Variants in RANGAP1 observed in about 807,000 individuals in gnomAD.
RANGAP1 encodes ran GTPase-activating protein 1.
In RANGAP1, 38 loss-of-function variants were observed where a neutral mutation model predicts 63.5. That is an observed-to-expected ratio of 0.60 (90% CI 0.46 to 0.78). The LOEUF (loss-of-function observed/expected upper bound fraction) is 0.78, where lower values mean the gene tolerates loss of function less well. Ranked by LOEUF, RANGAP1 falls within the 30% of genes least tolerant of loss-of-function variation. The pLI is 0.00. For missense variants in RANGAP1, 630 were observed against 740.3 expected, an observed-to-expected ratio of 0.85 and a Z score of 1.73; for synonymous variants, 329 against 310.5, an observed-to-expected ratio of 1.06 and a Z score of -0.63.
intron 3 of RANGAP1, among the ~76,000 whole-genome samples, chr22:41,270,353 C>T (rs1401376643): frequency 6.6e-6 from 1 of 152,166 alleles, no homozygotes; most frequent in African/African-American, 2.4e-5. Context: ...CCATGTTGGC[C>T]AGGCTGGTCT....
upstream of RANGAP1, among the ~76,000 whole-genome samples, chr22:41,287,380 TTG>T (rs1491064026): frequency 7.6e-6 from 1 of 131,018 alleles, no homozygotes; most frequent in African/African-American, 2.7e-5. Flanking sequence ...CGTTTTTTTT[TTG>T]TTTTTTTTTT....
intron 6 of RANGAP1, 111 bp downstream of exon 6, chr22:41,261,335 C>G: frequency 1.3e-6 from 2 of 1,513,112 alleles, no homozygotes; most frequent in Non-Finnish European, 1.8e-6. Context: ...CACGTGACGC[C>G]CCAGGTCTCT....
chr22:41,272,265 A>T (rs1283132114), intron 3 of RANGAP1, among the ~76,000 whole-genome samples: 1 of 152,008 alleles, frequency 6.6e-6, no homozygotes, highest in Non-Finnish European at 1.5e-5. Flanking sequence ...GTTGGAAAAC[A>T]TCCCAGCTTA....
At chr22:41,282,698 A>C (rs2035556684) in intron 1 of RANGAP1, among the ~76,000 whole-genome samples, 1 of 152,220 alleles carries the variant, frequency 6.6e-6, no homozygotes, top group Non-Finnish European at 1.5e-5. Flanking sequence ...CTTTACTTGG[A>C]GTACATGTGA....
At chr22:41,287,997 A>C (rs1269532848), upstream of RANGAP1, among the ~76,000 whole-genome samples, 1 of 152,164 alleles carries the variant, frequency 6.6e-6, no homozygotes, top group African/African-American at 2.4e-5. Context: ...AAATAAATAA[A>C]TAAATTAATT....
At chr22:41,300,702 C>T in the RANGAP1 span, among the ~76,000 whole-genome samples, 1 of 151,426 alleles carries the variant, frequency 6.6e-6, no homozygotes, top group Non-Finnish European at 1.5e-5. Context: ...AACTCCTGAC[C>T]TCAGGTGATC....
Position 41,256,007 on chromosome 22 carries a change from C to T in RANGAP1, c.1073+14G>A, listed in dbSNP as rs1303921319. ...GCCTGACCCCGACCTCTGGGGCCAC[C>T]CCGAGTTCCCTACCTGAGGGACGCC... On this transcript the variant is annotated intron_variant, in intron 10 of 15. Coordinates refer to ENST00000356244, the MANE Select transcript of RANGAP1 (RefSeq NM_002883.4). 6.2e-7 allele frequency: 1 copy of T among 1,611,730 alleles called. No homozygotes were observed. Among genetic ancestry groups the T allele is most frequent in the Non-Finnish European group, 8.5e-7 (1 of 1,179,632 alleles).
chr22:41,249,496 TGGG>T lies in RANGAP1; in HGVS notation c.1573-48_1573-46del. On this transcript the variant is annotated intron_variant, in intron 14 of 15. Transcript: ENST00000356244. ...AAGCGGGGTGAGCTTCAAAGTCACC[TGGG>T]GGGGCCCCTGGACTCCACCATCCAG... 5 of 1,610,140 alleles carry T rather than the reference TGGG, an allele frequency of 3.1e-6. No individual in the cohort carries two copies. In the South Asian group the frequency reaches 4.4e-5, roughly 14 times the overall value.
intron 10 of RANGAP1, 76 bp downstream of exon 10, chr22:41,255,945 C>A: frequency 7.0e-7 from 1 of 1,424,966 alleles, no homozygotes. Context: ...CAGAGCAAGA[C>A]TCCATCTCAA....
chr22:41,284,969 G>A (rs1197450852), intron 1 of RANGAP1: 1 of 152,132 alleles, frequency 6.6e-6, no homozygotes, highest in Non-Finnish European at 1.5e-5. Flanking sequence ...GACAAGCCTG[G>A]GCAACAGAAT....
In RANGAP1 at chr22:41,254,375, G is replaced by A. The variant is rs777615097; in HGVS notation, c.1193C>T (p.Pro398Leu). The part of the protein sequence containing the change: ...EEEEEEEEEE[P>L]QQRGQGEKSA... ...CTTCTCTCCCTGCCCTCGCTGCTGA[G>A]GCTCTTCTTCCTCCTCCTCCTCCTC... Residue 398 changes from proline to leucine, a missense_variant, in exon 11 of 16, where the codon CCT becomes CTT. Pro to Leu is a moderately conservative substitution (Grantham distance 98). Coordinates refer to ENST00000356244, the MANE Select transcript of RANGAP1 (RefSeq NM_002883.4). 6.2e-7 allele frequency: 1 copy of A among 1,613,930 alleles called. No individual in the cohort carries two copies. Among genetic ancestry groups the A allele is most frequent in the East Asian group, 2.2e-5 (1 of 44,866 alleles).
At chr22:41,279,956 G>A (rs1450810583) in intron 2 of RANGAP1, among the ~76,000 whole-genome samples, 4 of 151,836 alleles carry the variant, frequency 2.6e-5, no homozygotes, top group African/African-American at 9.7e-5. Flanking sequence ...AAATTAGCCG[G>A]GTGTGGTGGT....
chr22:41,268,891 C>T (rs2034637081), intron 3 of RANGAP1, among the ~76,000 whole-genome samples: 1 of 152,014 alleles, frequency 6.6e-6, no homozygotes, highest in Non-Finnish European at 1.5e-5. Flanking sequence ...CCCTTCTCTA[C>T]AAAAAATACA....
chr22:41,295,054 CGCCCTA>C, the RANGAP1 span, among the ~76,000 whole-genome samples: 1 of 148,408 alleles, frequency 6.7e-6, no homozygotes, highest in African/African-American at 2.5e-5. Flanking sequence ...CCCGGCCAGC[CGCCCTA>C]TCCGGGAGGG....
At chr22:41,280,065 C>T (rs1004448741) in intron 2 of RANGAP1, among the ~76,000 whole-genome samples, 1 of 152,116 alleles carries the variant, frequency 6.6e-6, no homozygotes. Flanking sequence ...TGCCACTGCA[C>T]TCTAGCCTGG....
At chr22:41,287,968 A>G (rs1353998017), upstream of RANGAP1, among the ~76,000 whole-genome samples, 1 of 152,168 alleles carries the variant, frequency 6.6e-6, no homozygotes, top group Non-Finnish European at 1.5e-5. Flanking sequence ...CTGGGCAACA[A>G]GAGCGAAACT....
chr22:41,300,274 C>T, the RANGAP1 span, among the ~76,000 whole-genome samples: 4 of 151,846 alleles, frequency 2.6e-5, no homozygotes, highest in African/African-American at 7.3e-5. Flanking sequence ...AATCACCAGA[C>T]CATTTGCCAT....
chr22:41,271,386 T>TA (rs35627809), intron 3 of RANGAP1, among the ~76,000 whole-genome samples: 33,224 of 90,912 alleles, frequency 0.37, 6,162 homozygotes, highest in Non-Finnish European at 0.42. Flanking sequence ...AAACTGTCTC[T>TA]AAAAAAAAAC....
Position 41,274,717 on chromosome 22 carries a change from C to T in RANGAP1, c.123G>A (p.Val41=), listed in dbSNP as rs1226768972. 1 of 1,613,976 alleles carries T rather than the reference C, an allele frequency of 6.2e-7. No homozygotes were observed. The highest frequency in any genetic ancestry group is 1.3e-5 in the African/African-American group (1 of 74,936). ...TGTCAAAGTCTTCAATCTCTTTAATCACATCTTTAGCTGCCAGGGACCAAA... is the reference window on the plus strand; with the variant it reads ...TGTCAAAGTCTTCAATCTCTTTAATTACATCTTTAGCTGCCAGGGACCAAA... ...KLNTAEDAKD[V]IKEIEDFDSL... Residue 41 remains valine, a synonymous_variant, in exon 3 of 16, where the codon GTG becomes GTA. Transcript: ENST00000356244.
Sources: allele counts gnomAD v4.1 joint callset (sites outside exome capture counted in the v4.1 genomes callset), GRCh38; gene constraint gnomAD v4.1.1; transcripts MANE v1.5; gene names NCBI Gene and HGNC (gene_info 2026-07-23, HGNC 2026-07-21).